Variants in MPPED2 observed in about 807,000 individuals in gnomAD.
MPPED2 encodes the protein metallophosphoesterase MPPED2.
A neutral mutation model predicts 33.0 loss-of-function variants in MPPED2; 5 were observed. The observed-to-expected ratio is 0.15, with a 90% CI of 0.08 to 0.32. The LOEUF (loss-of-function observed/expected upper bound fraction) is 0.32, where lower values mean the gene tolerates loss of function less well. Ranked by LOEUF, MPPED2 falls within the 10% of genes least tolerant of loss-of-function variation. MPPED2 has a pLI of 1.00. For missense variants in MPPED2, 275 were observed against 372.1 expected (o/e 0.74, Z 2.15); for synonymous variants, 136 against 141.9 (o/e 0.96, Z 0.29).
intron 6 of MPPED2, among the ~76,000 whole-genome samples, chr11:30,398,967 A>T (rs1278162242): frequency 2.6e-5 from 4 of 152,166 alleles, no homozygotes; most frequent in African/African-American, 4.8e-5. Context: ...ACGATCATAC[A>T]TCTTATAAGG....
chr11:30,569,900 C>T (rs1009799097), intron 2 of MPPED2, among the ~76,000 whole-genome samples: 9 of 152,106 alleles, frequency 5.9e-5, no homozygotes, highest in African/African-American at 2.2e-4. Flanking sequence ...GACCTGCTCC[C>T]GGTGCTAAAG....
intron 2 of MPPED2, among the ~76,000 whole-genome samples, chr11:30,549,532 G>C (rs1361534563): frequency 6.6e-6 from 1 of 152,182 alleles, no homozygotes; most frequent in Non-Finnish European, 1.5e-5. Flanking sequence ...GTTGCCTACT[G>C]TAGAGACTTG....
chr11:30,527,009 C>T (rs1385611417), intron 3 of MPPED2, among the ~76,000 whole-genome samples: 1 of 151,952 alleles, frequency 6.6e-6, no homozygotes, highest in Non-Finnish European at 1.5e-5. Flanking sequence ...ACTGCAAGCT[C>T]CGCCTCCCAG....
At chr11:30,401,608 A>G (rs1450463236) in intron 6 of MPPED2, among the ~76,000 whole-genome samples, 1 of 152,234 alleles carries the variant, frequency 6.6e-6, no homozygotes, top group Admixed American at 6.5e-5. Context: ...AAGGAACTAT[A>G]TCCATAGATT....
intron 2 of MPPED2, among the ~76,000 whole-genome samples, chr11:30,564,021 GA>G (rs1470761549): frequency 2.0e-5 from 3 of 152,166 alleles, no homozygotes; most frequent in Non-Finnish European, 4.4e-5. Flanking sequence ...AAACAACTGG[GA>G]AAAGGAAATT....
chr11:30,428,499 C>A (rs729276), intron 4 of MPPED2, among the ~76,000 whole-genome samples: 4,094 of 152,204 alleles, frequency 0.027, 172 homozygotes, highest in African/African-American at 0.093. Context: ...TGATACACCA[C>A]TGCACTCCAG....
intron 3 of MPPED2, among the ~76,000 whole-genome samples, chr11:30,509,244 A>G (rs1332455444): frequency 2.0e-5 from 3 of 152,216 alleles, no homozygotes; most frequent in Non-Finnish European, 4.4e-5. Context: ...TAAGGGCTCA[A>G]TTTTGTTGAA....
chr11:30,424,821 A>G (rs1266620662), intron 4 of MPPED2, among the ~76,000 whole-genome samples: 2 of 152,180 alleles, frequency 1.3e-5, no homozygotes. Flanking sequence ...ATTAGCCCAC[A>G]GAGCAACTTC....
At chr11:30,551,345 C>T (rs533199215) in intron 2 of MPPED2, among the ~76,000 whole-genome samples, 206 of 152,192 alleles carry the variant, frequency 1.4e-3, no homozygotes, top group African/African-American at 4.7e-3. Context: ...ACATAATTTC[C>T]CCATAGTCAG....
exon 7 of MPPED2, chr11:30,388,898 T>G: frequency 6.4e-7 from 1 of 1,564,538 alleles, no homozygotes; most frequent in Non-Finnish European, 8.7e-7. Context: ...ACTAGGAAGT[T>G]TTTGAAGGCA....
At chr11:30,555,749 T>C (rs1590842234) in intron 2 of MPPED2, among the ~76,000 whole-genome samples, 1 of 152,194 alleles carries the variant, frequency 6.6e-6, no homozygotes, top group East Asian at 1.9e-4. Flanking sequence ...TTTTTCTTGA[T>C]AAATTACGCA....
intron 3 of MPPED2, among the ~76,000 whole-genome samples, chr11:30,525,038 A>C (rs773641376): frequency 6.6e-6 from 1 of 152,222 alleles, no homozygotes; most frequent in Non-Finnish European, 1.5e-5. Flanking sequence ...AAATGTCATC[A>C]TATCAGAAGG....
chr11:30,455,901 G>A lies in MPPED2; in HGVS notation c.537-38268C>T, dbSNP rs187978760. ...TGCTCTGCAAGATTGACATAGTGAC[G>A]CTTTGACCAAGAGGCTCCATGACTC... On this transcript the variant is annotated intron_variant, in intron 4 of 6. Transcript: ENST00000358117. Among the ~76,000 whole-genome samples the A allele has an allele frequency of 3.3e-4, 50 of 152,296 alleles. No individual in the cohort carries two copies. The South Asian group carries it at 4.8e-3, about 15-fold the overall frequency.
At chr11:30,436,333 T>C (rs1414478163) in intron 4 of MPPED2, among the ~76,000 whole-genome samples, 1 of 152,080 alleles carries the variant, frequency 6.6e-6, no homozygotes, top group Non-Finnish European at 1.5e-5. Flanking sequence ...CATCAGTCAC[T>C]TGAAGCCACT....
intron 3 of MPPED2, among the ~76,000 whole-genome samples, chr11:30,527,380 T>TA (rs397764169): frequency 6.6e-6 from 1 of 151,536 alleles, no homozygotes; most frequent in Admixed American, 6.6e-5. Flanking sequence ...TTTTTTTTTT[T>TA]AATTAAAAAC....
At chr11:30,389,423 T>C (rs1590146786) in intron 6 of MPPED2, among the ~76,000 whole-genome samples, 1 of 152,206 alleles carries the variant, frequency 6.6e-6, no homozygotes, top group East Asian at 1.9e-4. Flanking sequence ...CACTGAGGGT[T>C]AATATGAAAT....
intron 4 of MPPED2, among the ~76,000 whole-genome samples, chr11:30,464,936 TA>T (rs1013291373): frequency 1.3e-5 from 2 of 152,184 alleles, no homozygotes; most frequent in African/African-American, 4.8e-5. Context: ...TAGGCTTTAG[TA>T]GTAAGCAAAC....
At chr11:30,407,076 C>T (rs183713605), downstream of MPPED2, among the ~76,000 whole-genome samples, 163 of 152,288 alleles carry the variant, frequency 1.1e-3, no homozygotes, top group African/African-American at 3.7e-3. Context: ...CTCCCAGCTT[C>T]CGTTTCTCCC....
At chr11:30,465,974 C>T (rs1358682153) in intron 4 of MPPED2, among the ~76,000 whole-genome samples, 1 of 152,300 alleles carries the variant, frequency 6.6e-6, no homozygotes, top group African/African-American at 2.4e-5. Flanking sequence ...AATTACAAGG[C>T]CTTCCCCAAA....
Sources: gnomAD v4.1 joint callset for allele counts (sites outside exome capture counted in the v4.1 genomes callset) on GRCh38, gnomAD v4.1.1 for gene constraint, MANE v1.5 for transcripts, NCBI Gene and HGNC (gene_info 2026-07-23, HGNC 2026-07-21) for gene names.